The following GALNTL6 variants were observed in gnomAD, a reference collection of about 807,000 sequenced individuals.
GALNTL6 encodes polypeptide N-acetylgalactosaminyltransferase like 6.
Under a neutral mutation model 73.7 loss-of-function variants are expected in GALNTL6, and 46 were observed. The observed-to-expected ratio is 0.62, with a 90% confidence interval of 0.49 to 0.80. GALNTL6 has a LOEUF of 0.80. GALNTL6 is among the 30% of genes least tolerant of loss of function. The pLI is 0.00. For missense variants in GALNTL6, 604 were observed against 755.0 expected, an observed-to-expected ratio of 0.80 and a Z score of 2.34; for synonymous variants, 259 against 263.7, an observed-to-expected ratio of 0.98 and a Z score of 0.17.
rs957386593 is a variant in GALNTL6 at position 172,068,995 on chromosome 4, C to A, written c.139-160661C>A. On this transcript the variant is annotated intron_variant, in intron 2 of 12. Coordinates refer to ENST00000506823, the MANE Select transcript of GALNTL6 (RefSeq NM_001034845.3). ...ACAAGGAATCCCTCGTCTCCTCCTG[C>A]AGAAATGTCAGGTTTGGTTTGGTTG... is the stretch of plus-strand genomic sequence containing the variant. Among the ~76,000 whole-genome samples the A allele has an allele frequency of 1.8e-5, 2 of 108,906 alleles. 1 individual carries two copies. Among genetic ancestry groups the A allele is most frequent in the African/African-American group, 6.9e-5 (2 of 28,796 alleles). 71.4% of individuals were successfully genotyped at this position (108,906 alleles called of 152,430 possible). A position where few individuals can be genotyped will look rare whatever the true frequency, so the allele number is the denominator to read the frequency against.
At chr4:172,339,257 C>CACACA (rs1183829946) in intron 4 of GALNTL6, among the ~76,000 whole-genome samples, 2 of 120,952 alleles carry the variant, frequency 1.7e-5, no homozygotes, top group East Asian at 2.8e-4. Flanking sequence ...CACACACACA[C>CACACA]CACACACACA....
chr4:172,190,587 T>TACA lies in GALNTL6; in HGVS notation c.139-39068_139-39066dup, dbSNP rs1295188318. On this transcript the variant is annotated intron_variant, in intron 2 of 12. Coordinates refer to ENST00000506823, the MANE Select transcript of GALNTL6 (RefSeq NM_001034845.3). ...CAATGGCAGAAGTAAACCGAGAGAG[T>TACA]ACACAGGAAAAAATGGGAATAGCTA... Among the ~76,000 whole-genome samples the TACA allele has an allele frequency of 2.0e-5, 3 of 150,368 alleles. No individual in the cohort carries two copies. In the East Asian group the frequency reaches 5.9e-4, roughly 30 times the overall value.
At chr4:171,825,157 G>A (rs1734789996) in intron 2 of GALNTL6, among the ~76,000 whole-genome samples, 1 of 152,070 alleles carries the variant, frequency 6.6e-6, no homozygotes, top group Non-Finnish European at 1.5e-5. Flanking sequence ...TGTCTTTAGG[G>A]CTGAATACTT....
chr4:172,781,361 T>C (rs1373626914), intron 5 of GALNTL6, among the ~76,000 whole-genome samples: 4 of 152,336 alleles, frequency 2.6e-5, no homozygotes, highest in Non-Finnish European at 4.4e-5. Flanking sequence ...AATTAATTCA[T>C]ACTATTAAAA....
chr4:172,117,331 A>G (rs1190932969), intron 2 of GALNTL6, among the ~76,000 whole-genome samples: 2 of 152,182 alleles, frequency 1.3e-5, no homozygotes, highest in African/African-American at 2.4e-5. Flanking sequence ...TCATTTTAGA[A>G]TGTTTTCATT....
At chr4:172,365,115 C>A (rs1578997621) in intron 5 of GALNTL6, among the ~76,000 whole-genome samples, 1 of 152,090 alleles carries the variant, frequency 6.6e-6, no homozygotes, top group East Asian at 1.9e-4. Flanking sequence ...GGGCTTCTGG[C>A]CAATTTCAGT....
At chr4:172,532,265 T>A (rs577647545) in intron 5 of GALNTL6, among the ~76,000 whole-genome samples, 31 of 152,250 alleles carry the variant, frequency 2.0e-4, no homozygotes, top group African/African-American at 7.5e-4. Context: ...GGTATCCTTA[T>A]AAGAAGAGAG....
At chr4:172,863,520 G>A (rs192134953) in intron 7 of GALNTL6, among the ~76,000 whole-genome samples, 274 of 152,298 alleles carry the variant, frequency 1.8e-3, no homozygotes, top group African/African-American at 6.0e-3. Context: ...CTGGATTTCA[G>A]ACTTGCATGG....
chr4:172,547,155 T>G (rs762485789), intron 5 of GALNTL6, among the ~76,000 whole-genome samples: 2 of 152,026 alleles, frequency 1.3e-5, no homozygotes, highest in African/African-American at 4.8e-5. Flanking sequence ...ATGTTTCCCA[T>G]TGGGAATCAG....
chr4:172,788,637 A>C (rs547799982), intron 5 of GALNTL6, among the ~76,000 whole-genome samples: 1 of 144,696 alleles, frequency 6.9e-6, no homozygotes, highest in African/African-American at 2.5e-5. Context: ...GCACCACTGC[A>C]CTCCAGCCTG....
intron 3 of GALNTL6, among the ~76,000 whole-genome samples, chr4:172,284,728 A>G (rs1329247102): frequency 2.6e-5 from 4 of 152,086 alleles, no homozygotes; most frequent in African/African-American, 9.7e-5. Flanking sequence ...TCACAGTACC[A>G]CTTATTGAAA....
At chr4:172,885,072 G>A (rs1024952937) in intron 8 of GALNTL6, among the ~76,000 whole-genome samples, 7 of 152,080 alleles carry the variant, frequency 4.6e-5, no homozygotes, top group African/African-American at 1.7e-4. Flanking sequence ...CTCCAGCTTT[G>A]TTCTTTTTGT....
chr4:172,528,228 C>G (rs981831702), intron 5 of GALNTL6, among the ~76,000 whole-genome samples: 3 of 148,882 alleles, frequency 2.0e-5, no homozygotes, highest in Admixed American at 1.3e-4. Flanking sequence ...GCTATAATTT[C>G]TAGAATTCAG....
chr4:172,137,911 A>G (rs1560937976), intron 2 of GALNTL6, among the ~76,000 whole-genome samples: 1 of 152,206 alleles, frequency 6.6e-6, no homozygotes, highest in East Asian at 1.9e-4. Flanking sequence ...TTAGGCTACC[A>G]AATAGTAAGC....
At chr4:172,347,041 G>C (rs2111212776) in intron 4 of GALNTL6, among the ~76,000 whole-genome samples, 1 of 129,548 alleles carries the variant, frequency 7.7e-6, no homozygotes, top group South Asian at 2.4e-4. Flanking sequence ...AGGCTGGACT[G>C]TGCAGTGGTG....
chr4:171,872,353 T>TAATGGCAGTTTTTATAA (rs1736160720), intron 2 of GALNTL6, among the ~76,000 whole-genome samples: 1 of 152,132 alleles, frequency 6.6e-6, no homozygotes, highest in East Asian at 1.9e-4. Flanking sequence ...TTATTCTAAA[T>TAATGGCAGTTTTTATAA]AATGGCAGTT....
At chr4:171,907,274 G>T (rs1323558385) in intron 2 of GALNTL6, among the ~76,000 whole-genome samples, 4 of 152,166 alleles carry the variant, frequency 2.6e-5, no homozygotes, top group African/African-American at 9.7e-5. Context: ...ATCTCCTTAA[G>T]CTGATAAGCA....
chr4:172,903,486 G>A (rs1250834250), intron 8 of GALNTL6, among the ~76,000 whole-genome samples: 2 of 152,110 alleles, frequency 1.3e-5, no homozygotes, highest in South Asian at 4.1e-4. Flanking sequence ...CAACTGAGAT[G>A]ACTATTTCAC....
intron 2 of GALNTL6, among the ~76,000 whole-genome samples, chr4:171,941,929 T>C (rs895864329): frequency 2.0e-5 from 3 of 152,146 alleles, no homozygotes; most frequent in African/African-American, 7.2e-5. Context: ...TTAATATAGA[T>C]TTAAACATGC....
Sources: gnomAD v4.1 joint callset for allele counts (sites outside exome capture counted in the v4.1 genomes callset) on GRCh38, gnomAD v4.1.1 for gene constraint, MANE v1.5 for transcripts, NCBI Gene and HGNC (gene_info 2026-07-23, HGNC 2026-07-21) for gene names.